The following AGBL4 variants were observed in gnomAD, a reference collection of about 807,000 sequenced individuals.
AGBL4 encodes the protein AGBL carboxypeptidase 4, also known as cytosolic carboxypeptidase 6.
A neutral mutation model predicts 66.4 loss-of-function variants in AGBL4; 58 were observed. The observed-to-expected ratio is 0.87, with a 90% CI of 0.71 to 1.09. AGBL4 has a LOEUF of 1.09. Among genes scored for constraint, AGBL4 ranks in the 50% least tolerant of loss-of-function variants. The pLI, the probability that AGBL4 is intolerant of heterozygous loss-of-function variation, is 0.00. For missense variants in AGBL4, 579 were observed against 631.0 expected, an observed-to-expected ratio of 0.92 and a Z score of 0.88; for synonymous variants, 234 against 222.9, an observed-to-expected ratio of 1.05 and a Z score of -0.44.
At chr1:48,691,794 C>T (rs1190260757) in intron 6 of AGBL4, among the ~76,000 whole-genome samples, 1 of 152,174 alleles carries the variant, frequency 6.6e-6, no homozygotes, top group Admixed American at 6.5e-5. Flanking sequence ...AGCCTCCCTC[C>T]TCTCCCCTGC....
chr1:48,700,379 T>C (rs17104676), intron 6 of AGBL4, among the ~76,000 whole-genome samples: 2,912 of 152,330 alleles, frequency 0.019, 91 homozygotes, highest in African/African-American at 0.066. Context: ...ACAGCACAAT[T>C]GAAATGCACA....
chr1:49,048,186 G>C (rs545571315), intron 4 of AGBL4: 1 of 152,204 alleles, frequency 6.6e-6, no homozygotes, highest in Admixed American at 6.5e-5. Context: ...CTTCATTCAC[G>C]AGTGGTTCCT....
intron 1 of AGBL4, among the ~76,000 whole-genome samples, chr1:49,907,236 C>G (rs757680884): frequency 2.0e-5 from 3 of 152,052 alleles, no homozygotes; most frequent in Non-Finnish European, 4.4e-5. Context: ...ATATAAAGAA[C>G]AGTAGCAATA....
chr1:48,959,472 A>G (rs564866576), intron 5 of AGBL4, among the ~76,000 whole-genome samples: 2 of 152,338 alleles, frequency 1.3e-5, no homozygotes, highest in African/African-American at 4.8e-5. Context: ...CCAGGAGTTT[A>G]TGCTTTAATA....
intron 4 of AGBL4, among the ~76,000 whole-genome samples, chr1:49,159,994 G>T (rs1013767097): frequency 1.3e-5 from 2 of 152,030 alleles, no homozygotes; most frequent in African/African-American, 2.4e-5. Context: ...TAGCTTCCTT[G>T]CATTGGGTTA....
chr1:49,540,911 G>A (rs142579071), intron 3 of AGBL4, among the ~76,000 whole-genome samples: 349 of 152,204 alleles, frequency 2.3e-3, no homozygotes, highest in African/African-American at 8.0e-3. Context: ...TGTTAGTGAA[G>A]GCGGTCCAAG....
intron 2 of AGBL4, among the ~76,000 whole-genome samples, chr1:49,821,230 A>C (rs1414931461): frequency 6.6e-6 from 1 of 152,158 alleles, no homozygotes; most frequent in Non-Finnish European, 1.5e-5. Flanking sequence ...TGAGTGCCCC[A>C]AGAATTCTTC....
At chr1:48,596,917 A>G (rs938724204) in intron 9 of AGBL4, among the ~76,000 whole-genome samples, 6 of 152,068 alleles carry the variant, frequency 3.9e-5, no homozygotes, top group Non-Finnish European at 5.9e-5. Context: ...AGCTCAAGGA[A>G]CCAAGGGGAT....
At chr1:49,597,699 T>A (rs1417275475) in intron 3 of AGBL4, among the ~76,000 whole-genome samples, 1 of 152,170 alleles carries the variant, frequency 6.6e-6, no homozygotes, top group Non-Finnish European at 1.5e-5. Flanking sequence ...CTCAAGAAAC[T>A]CAAGAGGCAA....
chr1:49,326,628 T>C (rs1286343758), intron 3 of AGBL4, among the ~76,000 whole-genome samples: 1 of 151,974 alleles, frequency 6.6e-6, no homozygotes, highest in Non-Finnish European at 1.5e-5. Context: ...AAGGAAGAGA[T>C]TAAGGATTAT....
intron 3 of AGBL4, among the ~76,000 whole-genome samples, chr1:49,550,034 T>C (rs921315777): frequency 2.0e-5 from 3 of 152,238 alleles, no homozygotes; most frequent in Admixed American, 6.5e-5. Flanking sequence ...CATTACATAA[T>C]GTCCCTCTTT....
chr1:48,709,584 C>CATTATTATTATTATTATTATTATT (rs10657477), intron 6 of AGBL4, among the ~76,000 whole-genome samples: 24 of 141,898 alleles, frequency 1.7e-4, no homozygotes, highest in Admixed American at 4.3e-4. Flanking sequence ...ATTTGCCAGG[C>CATTATTATTATTATTATTATTATT]ATTATTATTA....
intron 2 of AGBL4, among the ~76,000 whole-genome samples, chr1:49,707,226 T>C (rs1647272215): frequency 6.6e-6 from 1 of 152,170 alleles, no homozygotes; most frequent in Non-Finnish European, 1.5e-5. Flanking sequence ...TGGGTGCTAC[T>C]GTATTGGATG....
At chr1:49,820,792 G>A (rs952244389) in intron 2 of AGBL4, among the ~76,000 whole-genome samples, 7 of 152,182 alleles carry the variant, frequency 4.6e-5, no homozygotes, top group African/African-American at 1.4e-4. Flanking sequence ...TAACTAAGAT[G>A]TATAAGAACA....
intron 4 of AGBL4, among the ~76,000 whole-genome samples, chr1:49,050,872 A>G (rs1185662519): frequency 1.3e-5 from 2 of 152,114 alleles, no homozygotes; most frequent in Non-Finnish European, 2.9e-5. Flanking sequence ...TATTTTGTTA[A>G]ATGACTAAGT....
chr1:49,767,985 T>TAA (rs1161416588), intron 2 of AGBL4, among the ~76,000 whole-genome samples: 1 of 132,896 alleles, frequency 7.5e-6, no homozygotes, highest in Non-Finnish European at 1.7e-5. Flanking sequence ...AAGTATAATT[T>TAA]AAAAAAAAAA....
chr1:49,426,803 C>G (rs894058170), intron 3 of AGBL4, among the ~76,000 whole-genome samples: 12 of 152,158 alleles, frequency 7.9e-5, no homozygotes, highest in Admixed American at 6.5e-4. Context: ...TCTACCTTTC[C>G]TGTGTCCTAG....
At chr1:49,535,111 T>C (rs2148817918) in intron 3 of AGBL4, among the ~76,000 whole-genome samples, 1 of 152,176 alleles carries the variant, frequency 6.6e-6, no homozygotes, top group South Asian at 2.1e-4. Context: ...CATGAAACAG[T>C]ATATTATATG....
chr1:49,293,039 C>A (rs1644572803), intron 3 of AGBL4, among the ~76,000 whole-genome samples: 1 of 152,214 alleles, frequency 6.6e-6, no homozygotes, highest in Non-Finnish European at 1.5e-5. Flanking sequence ...TGGGAGCTCC[C>A]TGAGCCACGG....
Sources: gnomAD v4.1 joint callset for allele counts (sites outside exome capture counted in the v4.1 genomes callset) on GRCh38, gnomAD v4.1.1 for gene constraint, MANE v1.5 for transcripts, NCBI Gene and HGNC (gene_info 2026-07-23, HGNC 2026-07-21) for gene names.